RNF11: variants seen among roughly 807,000 people sequenced by gnomAD.
The protein encoded by RNF11 is ring finger protein 11.
In RNF11, 4 loss-of-function variants were observed where a neutral mutation model predicts 15.8. The observed-to-expected ratio is 0.25, with a 90% confidence interval of 0.12 to 0.58. The LOEUF (loss-of-function observed/expected upper bound fraction) is 0.58, where lower values mean the gene tolerates loss of function less well. Ranked by LOEUF, RNF11 falls within the 20% of genes least tolerant of loss-of-function variation. The pLI, the probability that RNF11 is intolerant of heterozygous loss-of-function variation, is 0.91. For synonymous variants in RNF11, 68 were observed against 72.3 expected (o/e 0.94, Z 0.30); for missense variants, 139 against 194.4 (o/e 0.71, Z 1.70).
intron 1 of RNF11, among the ~76,000 whole-genome samples, chr1:51,258,011 G>A (rs1209139003): frequency 6.6e-6 from 1 of 151,520 alleles, no homozygotes; most frequent in Non-Finnish European, 1.5e-5. Context: ...CCACCACCAT[G>A]CCCAACTAAT....
Position 51,236,779 on chromosome 1 carries a change from C to T in RNF11, c.23C>T (p.Pro8Leu), listed in dbSNP as rs1317935660. ...AAGATGGGGAACTGCCTCAAATCCCCCACCTCGGATGACATCTCCCTGCTT... is the reference window on the plus strand; with the variant it reads ...AAGATGGGGAACTGCCTCAAATCCCTCACCTCGGATGACATCTCCCTGCTT... MGNCLKS[P>L]TSDDISLLHE... Residue 8 changes from proline to leucine, a missense_variant, in exon 1 of 3, where the codon CCC becomes CTC. Coordinates refer to ENST00000242719, the MANE Select transcript of RNF11 (RefSeq NM_014372.5). The T allele has an allele frequency of 2.0e-5, 32 of 1,613,440 alleles. No homozygotes were observed. Among genetic ancestry groups the T allele is most frequent in the Non-Finnish European group, 2.6e-5 (31 of 1,179,766 alleles).
chr1:51,236,952 T>C lies in RNF11; in HGVS notation c.123+73T>C, dbSNP rs557598677. 149 of 1,517,852 alleles carry C rather than the reference T, an allele frequency of 9.8e-5. 2 individuals are homozygous for C. In the South Asian group the frequency reaches 1.8e-3, roughly 19 times the overall value. The allele number at this position is 1,517,852 out of a possible 1,614,324, so 94.0% of individuals were successfully genotyped here. A position where few individuals can be genotyped will look rare whatever the true frequency, so the allele number is the denominator to read the frequency against. ...GGAGATTGAGGGGGCTTCGGGGCCG[T>C]CTCTGCCCCTGGCTTCGGCAAGGCC... is the stretch of plus-strand genomic sequence containing the variant. On this transcript the variant is annotated intron_variant, in intron 1 of 2. Transcript: ENST00000242719.
At chr1:51,269,750 T>C (rs1399472245) in intron 1 of RNF11, among the ~76,000 whole-genome samples, 3 of 152,170 alleles carry the variant, frequency 2.0e-5, no homozygotes, top group Non-Finnish European at 4.4e-5. Context: ...TTATATCCTT[T>C]AGGCAGAATG....
intron 1 of RNF11, among the ~76,000 whole-genome samples, chr1:51,243,779 G>C (rs900301812): frequency 6.6e-6 from 1 of 152,172 alleles, no homozygotes; most frequent in African/African-American, 2.4e-5. Flanking sequence ...GAAGATATCT[G>C]ACTTAGCATT....
chr1:51,250,444 A>G (rs1251957546), intron 1 of RNF11, among the ~76,000 whole-genome samples: 1 of 152,242 alleles, frequency 6.6e-6, no homozygotes, highest in African/African-American at 2.4e-5. Flanking sequence ...AAGTATAGAA[A>G]TGCAGTTGAC....
intron 1 of RNF11, chr1:51,251,266 C>G: frequency 1.5e-6 from 2 of 1,347,990 alleles, no homozygotes; most frequent in East Asian, 4.6e-5. Flanking sequence ...ATCTTCATGT[C>G]CTTCACCAAG....
intron 1 of RNF11, among the ~76,000 whole-genome samples, chr1:51,253,104 T>A (rs1646888619): frequency 6.6e-6 from 1 of 152,094 alleles, no homozygotes; most frequent in South Asian, 2.1e-4. Context: ...GGTTTACAGA[T>A]GCGATCCACC....
Position 51,273,082 on chromosome 1 carries a change from T to C in RNF11, c.*1760T>C, listed in dbSNP as rs1291324628. The stretch of plus-strand genomic sequence containing the variant: ...GTTTATTAATTTATATCCACCCAAG[T>C]ACATAAAGCAAATTTGGAGGAAACA... On this transcript the variant is annotated 3_prime_UTR_variant, in exon 3 of 3. Transcript: ENST00000242719. 6.6e-6 allele frequency: 1 copy of C among 152,188 alleles called. No homozygotes were observed. Among genetic ancestry groups the C allele is most frequent in the Non-Finnish European group, 1.5e-5 (1 of 68,002 alleles). 9.4% of individuals were successfully genotyped at this position (152,188 alleles called of 1,614,324 possible).
At position 51,247,751 on chromosome 1, in the gene RNF11, T is replaced by C. The variant is rs148513451; in HGVS notation, c.123+10872T>C. Among the ~76,000 whole-genome samples, 916 of 152,328 alleles carry C rather than the reference T, an allele frequency of 6.0e-3. 7 individuals are homozygous for C. Among genetic ancestry groups the C allele is most frequent in the Middle Eastern group, 0.014 (4 of 294 alleles). On this transcript the variant is annotated intron_variant, in intron 1 of 2. Coordinates refer to ENST00000242719, the MANE Select transcript of RNF11 (RefSeq NM_014372.5). ...CGTGTGTCCCTATCTTTTAATTAAA[T>C]TGCCAGCCTAGAGTGTACTCCCAGG...
chr1:51,268,777 A>G (rs1329084368), intron 1 of RNF11, among the ~76,000 whole-genome samples: 1 of 152,222 alleles, frequency 6.6e-6, no homozygotes, highest in Admixed American at 6.5e-5. Flanking sequence ...CAAGGGTTGA[A>G]GAACTCAGAG....
intron 1 of RNF11, among the ~76,000 whole-genome samples, chr1:51,268,595 A>G (rs1646965060): frequency 6.6e-6 from 1 of 152,198 alleles, no homozygotes; most frequent in Non-Finnish European, 1.5e-5. Context: ...TTTCTCTAAA[A>G]CAATTTAGTT....
chr1:51,251,613 C>T lies in RNF11; in HGVS notation c.123+14734C>T. 5.8e-6 allele frequency: 3 copies of T among 520,750 alleles called. No homozygotes were observed. In the South Asian group the frequency reaches 9.5e-5, roughly 16 times the overall value. 32.3% of individuals were successfully genotyped at this position (520,750 alleles called of 1,614,324 possible). On this transcript the variant is annotated intron_variant, in intron 1 of 2. Coordinates refer to ENST00000242719, the MANE Select transcript of RNF11 (RefSeq NM_014372.5). Reference sequence around the variant, plus strand: ...AAATACTAGTCCATTTTATCATTTACTACCGTAAAGCATTCACATCTATTA... The same window carrying T: ...AAATACTAGTCCATTTTATCATTTATTACCGTAAAGCATTCACATCTATTA...
chr1:51,271,390 C>T lies in RNF11; in HGVS notation c.*68C>T, dbSNP rs947307962. On this transcript the variant is annotated 3_prime_UTR_variant, in exon 3 of 3. Coordinates refer to ENST00000242719, the MANE Select transcript of RNF11 (RefSeq NM_014372.5). ...TGGTTTTGATCTTTTGTCACTGAGCCCAAAGAGCCAGGGATTAGGAATTAA... is the reference window on the plus strand; with the variant it reads ...TGGTTTTGATCTTTTGTCACTGAGCTCAAAGAGCCAGGGATTAGGAATTAA... 1.5e-6 allele frequency: 2 copies of T among 1,316,884 alleles called. No homozygotes were observed. Among genetic ancestry groups the T allele is most frequent in the East Asian group, 2.3e-5 (1 of 42,554 alleles). The allele number at this position is 1,316,884 out of a possible 1,614,324, so 81.6% of individuals were successfully genotyped here.
intron 1 of RNF11, among the ~76,000 whole-genome samples, chr1:51,261,327 T>C (rs573037286): frequency 6.6e-6 from 1 of 152,078 alleles, no homozygotes; most frequent in South Asian, 2.1e-4. Flanking sequence ...TTGGACTGCA[T>C]AAGGTTTCCA....
intron 1 of RNF11, among the ~76,000 whole-genome samples, chr1:51,237,424 G>A (rs80334519): frequency 0.087 from 11,734 of 135,626 alleles, 647 homozygotes; most frequent in African/African-American, 0.18. Context: ...GTGTGTGTGT[G>A]TATATATATA....
chr1:51,266,808 A>G (rs2148074572), intron 1 of RNF11, among the ~76,000 whole-genome samples: 1 of 152,364 alleles, frequency 6.6e-6, no homozygotes, highest in Non-Finnish European at 1.5e-5. Context: ...TAATATGTAT[A>G]TAATGTATAT....
Position 51,261,734 on chromosome 1 carries a change from C to T in RNF11, c.124-8222C>T, listed in dbSNP as rs538955442. On this transcript the variant is annotated intron_variant, in intron 1 of 2. Transcript: ENST00000242719. ...ACGGAGTCTTGCTCTGTTGCCCAGGCTGGAGTGCAGTGGCACGATCTCAGC... is the reference window on the plus strand; with the variant it reads ...ACGGAGTCTTGCTCTGTTGCCCAGGTTGGAGTGCAGTGGCACGATCTCAGC... Among the ~76,000 whole-genome samples, 3 of 148,916 alleles carry T rather than the reference C, an allele frequency of 2.0e-5. No homozygotes were observed. In the East Asian group the frequency reaches 5.9e-4, roughly 29 times the overall value.
intron 1 of RNF11, among the ~76,000 whole-genome samples, chr1:51,240,192 A>G (rs551781145): frequency 6.6e-6 from 1 of 152,234 alleles, no homozygotes; most frequent in African/African-American, 2.4e-5. Context: ...CATAATCTGT[A>G]CCCCTTGTTT....
chr1:51,253,254 G>A (rs1271411731), intron 1 of RNF11, among the ~76,000 whole-genome samples: 1 of 152,168 alleles, frequency 6.6e-6, no homozygotes, highest in Non-Finnish European at 1.5e-5. Context: ...GCCGGGCACA[G>A]GGGTTCAAGC....
Sources: allele counts gnomAD v4.1 joint callset (sites outside exome capture counted in the v4.1 genomes callset), GRCh38; gene constraint gnomAD v4.1.1; transcripts MANE v1.5; gene names NCBI Gene and HGNC (gene_info 2026-07-23, HGNC 2026-07-21).